Variants in RYR2 observed in about 807,000 individuals in gnomAD.
RYR2 encodes the protein ryanodine receptor 2.
Under a neutral mutation model 601.1 loss-of-function variants are expected in RYR2, and 227 were observed. That is an observed-to-expected ratio of 0.38 (90% CI 0.34 to 0.42). RYR2 has a LOEUF of 0.42. Among genes scored for constraint, RYR2 ranks in the 10% least tolerant of loss-of-function variants. The probability of loss-of-function intolerance (pLI) is 1.00; values close to 1 mark genes in which losing one functional copy is unlikely to be tolerated. For missense variants in RYR2, 4,646 were observed against 6,156.5 expected (o/e 0.75, Z 8.21); for synonymous variants, 2,223 against 2,175.1 (o/e 1.02, Z -0.61).
At chr1:237,069,143 A>G (rs1384913308) in intron 1 of RYR2, among the ~76,000 whole-genome samples, 1 of 152,174 alleles carries the variant, frequency 6.6e-6, no homozygotes, top group Non-Finnish European at 1.5e-5. Context: ...AGTGCTGGTG[A>G]ATGAATTTTC....
At chr1:237,618,457 G>A (rs1678718301) in intron 38 of RYR2, among the ~76,000 whole-genome samples, 2 of 152,094 alleles carry the variant, frequency 1.3e-5, no homozygotes, top group Admixed American at 1.3e-4. Context: ...AGAGAGGTTG[G>A]CTACAGAACT....
chr1:237,566,453 C>G (rs2148250496), intron 27 of RYR2, 114 bp from the exon 28 acceptor site: 2 of 1,057,118 alleles, frequency 1.9e-6, no homozygotes, highest in South Asian at 3.3e-5. Flanking sequence ...CATCATCGCT[C>G]TAGGTTGAAT....
At chr1:237,420,418 T>C (rs1327684350) in intron 11 of RYR2, among the ~76,000 whole-genome samples, 3 of 152,180 alleles carry the variant, frequency 2.0e-5, no homozygotes, top group Non-Finnish European at 2.9e-5. Flanking sequence ...ATATCGATAA[T>C]ACGTAGGGCA....
chr1:237,635,084 G>A, intron 44 of RYR2, 92 bp downstream of exon 44: 1 of 1,016,604 alleles, frequency 9.8e-7, no homozygotes. Flanking sequence ...TGGTGCAGAA[G>A]TCATTGTGGT....
At chr1:237,760,814 C>T (rs1307351205) in intron 83 of RYR2, 141 bp from the exon 84 acceptor site, 8 of 611,036 alleles carry the variant, frequency 1.3e-5, no homozygotes, top group Non-Finnish European at 1.5e-5. Flanking sequence ...GGTTGGTACG[C>T]AATGAATGGA....
intron 1 of RYR2, among the ~76,000 whole-genome samples, chr1:237,043,526 G>A (rs111233241): frequency 3.0e-4 from 45 of 152,176 alleles, no homozygotes; most frequent in Non-Finnish European, 5.9e-4. Context: ...TACTTCCCAG[G>A]CTGAGGCATT....
At chr1:237,730,126 G>A in intron 76 of RYR2, 134 bp from the exon 77 acceptor site, 1 of 588,196 alleles carries the variant, frequency 1.7e-6, no homozygotes. Flanking sequence ...CTTTCAGGAG[G>A]AGAGTCAAGA....
intron 29 of RYR2, among the ~76,000 whole-genome samples, chr1:237,577,400 G>C (rs1673343239): frequency 6.6e-6 from 1 of 152,156 alleles, no homozygotes; most frequent in South Asian, 2.1e-4. Context: ...ATGTGATTAA[G>C]ATAGTGATCT....
intron 57 of RYR2, 89 bp downstream of exon 57, chr1:237,666,678 G>A: frequency 9.5e-7 from 1 of 1,052,514 alleles, no homozygotes; most frequent in Non-Finnish European, 1.4e-6. Flanking sequence ...TTGGCAGCAT[G>A]GTTTATTTGA....
intron 2 of RYR2, among the ~76,000 whole-genome samples, chr1:237,306,430 T>C (rs999254211): frequency 6.6e-6 from 1 of 152,228 alleles, no homozygotes; most frequent in Non-Finnish European, 1.5e-5. Flanking sequence ...TGGACTATTC[T>C]ATCATTTAAT....
intron 19 of RYR2, 72 bp downstream of exon 19, chr1:237,493,159 A>C: frequency 6.5e-7 from 1 of 1,540,284 alleles, no homozygotes. Flanking sequence ...CCTGTAGCTG[A>C]TACTATATGG....
intron 14 of RYR2, among the ~76,000 whole-genome samples, chr1:237,447,623 C>T (rs2150177707): frequency 6.6e-6 from 1 of 152,106 alleles, no homozygotes; most frequent in South Asian, 2.1e-4. Flanking sequence ...TTCTTCTTGC[C>T]TTGCTCTCTT....
At chr1:237,692,508 T>C (rs938661428) in intron 63 of RYR2, among the ~76,000 whole-genome samples, 12 of 152,320 alleles carry the variant, frequency 7.9e-5, no homozygotes, top group Non-Finnish European at 1.3e-4. Context: ...GCCACATTAG[T>C]GTTTCACCGT....
intron 84 of RYR2, among the ~76,000 whole-genome samples, chr1:237,761,979 C>A (rs1693465599): frequency 6.6e-6 from 1 of 152,064 alleles, no homozygotes; most frequent in Non-Finnish European, 1.5e-5. Context: ...ACTAATTTAT[C>A]TATGTATTTT....
intron 80 of RYR2, among the ~76,000 whole-genome samples, chr1:237,751,327 T>G (rs1350262495): frequency 1.3e-5 from 2 of 152,232 alleles, no homozygotes; most frequent in Non-Finnish European, 1.5e-5. Context: ...CATTTAGAGA[T>G]AAACTACATT....
chr1:237,638,037 G>C (rs1456758867), intron 44 of RYR2, among the ~76,000 whole-genome samples: 1 of 151,764 alleles, frequency 6.6e-6, no homozygotes, highest in Non-Finnish European at 1.5e-5. Flanking sequence ...TCTAGTCCGT[G>C]AGTCTTGAGC....
At chr1:237,216,202 T>C (rs1448591268) in intron 1 of RYR2, among the ~76,000 whole-genome samples, 2 of 152,208 alleles carry the variant, frequency 1.3e-5, no homozygotes, top group African/African-American at 4.8e-5. Flanking sequence ...ATTTTCAGGT[T>C]CATAGATGAA....
chr1:237,414,172 CTATT>C, intron 10 of RYR2, among the ~76,000 whole-genome samples: 1 of 152,224 alleles, frequency 6.6e-6, no homozygotes, highest in Admixed American at 6.5e-5. Context: ...GTGAGTGTGT[CTATT>C]TATATATGTG....
intron 1 of RYR2, among the ~76,000 whole-genome samples, chr1:237,211,112 T>C (rs956484041): frequency 4.6e-5 from 7 of 152,142 alleles, no homozygotes; most frequent in Non-Finnish European, 1.0e-4. Context: ...GGCATTACTA[T>C]ATGGTGACAC....
Sources: gnomAD v4.1 joint callset for allele counts (sites outside exome capture counted in the v4.1 genomes callset) on GRCh38, gnomAD v4.1.1 for gene constraint, MANE v1.5 for transcripts, NCBI Gene and HGNC (gene_info 2026-07-23, HGNC 2026-07-21) for gene names.